UBR4: variants seen among roughly 807,000 people sequenced by gnomAD.
The protein encoded by UBR4 is E3 ubiquitin-protein ligase UBR4.
UBR4 carries 124 observed loss-of-function variants against 575.6 expected under a neutral mutation model. The ratio of observed to expected loss-of-function variants is 0.22; its 90% CI spans 0.19 to 0.25. UBR4 has a LOEUF of 0.25. Among genes scored for constraint, UBR4 ranks in the 10% least tolerant of loss-of-function variants. The pLI, the probability that UBR4 is intolerant of heterozygous loss-of-function variation, is 1.00. For missense variants in UBR4, 4,818 were observed against 6,478.8 expected, an observed-to-expected ratio of 0.74 and a Z score of 8.80; for synonymous variants, 2,455 against 2,473.7, an observed-to-expected ratio of 0.99 and a Z score of 0.22.
chr1:19,164,750 G>GT (rs1405510879), intron 32 of UBR4, 49 bp downstream of exon 32: 8 of 1,596,784 alleles, frequency 5.0e-6, no homozygotes, highest in African/African-American at 1.3e-5. Context: ...AAATATCAAC[G>GT]TGTTTCTGGG....
intron 55 of UBR4, among the ~76,000 whole-genome samples, chr1:19,143,259 GAAGAAAGAAAGAAAGA>G (rs200550539): frequency 0.015 from 1,406 of 91,468 alleles, 17 homozygotes; most frequent in East Asian, 0.06. Context: ...AGGAAGGAAG[GAAGAAAGAAAGAAAGA>G]AAGAAAGAAA....
Position 19,142,846 on chromosome 1 carries a change from G to A in UBR4, c.8180-1069C>T, listed in dbSNP as rs760994720. ...ATTAGAAAATTTAAAAGTACAGGCC[G>A]AGCAGTGGCTCGCGCCTATAATCCT... On this transcript the variant is annotated intron_variant, in intron 55 of 105. Coordinates refer to ENST00000375254, the MANE Select transcript of UBR4 (RefSeq NM_020765.3). Among the ~76,000 whole-genome samples, 13 of 152,226 alleles carry A rather than the reference G, an allele frequency of 8.5e-5. No individual in the cohort carries two copies. The East Asian group carries it at 2.1e-3, about 25-fold the overall frequency.
In UBR4 at chr1:19,101,571, G is replaced by A; in HGVS notation, c.12972C>T (p.Asp4324=). 1 of 1,614,038 alleles carries A rather than the reference G, an allele frequency of 6.2e-7. No homozygotes were observed. Among genetic ancestry groups the A allele is most frequent in the East Asian group, 2.2e-5 (1 of 44,890 alleles). Residue 4324 remains aspartate, a synonymous_variant, in exon 88 of 106, where the codon GAC becomes GAT. Coordinates refer to ENST00000375254, the MANE Select transcript of UBR4 (RefSeq NM_020765.3). ...IETAKRYNLD[D]YRTPVFIFER... ...CGAAGATGAACACCGGGGTCCGGTA[G>A]TCATCCAGATTGTAGCGCTTGGCTG...
chr1:19,178,369 T>C (rs1018236278), intron 18 of UBR4, among the ~76,000 whole-genome samples: 1 of 152,196 alleles, frequency 6.6e-6, no homozygotes, highest in Non-Finnish European at 1.5e-5. Context: ...TGTTTTAATA[T>C]TAGGAAAGAG....
chr1:19,174,326 G>C lies in UBR4; in HGVS notation c.2975C>G (p.Thr992Arg), dbSNP rs759579863. ...AGGGTTCCATGGTCTTACCAAGGCTGTTACATTCTTGTTTTCCTTTCTCCT... is the reference window on the plus strand; with the variant it reads ...AGGGTTCCATGGTCTTACCAAGGCTCTTACATTCTTGTTTTCCTTTCTCCT... ...TVRRKENKNV[T>R]ALEACALQYY... Residue 992 changes from threonine (T) to arginine (R), a missense_variant, in exon 22 of 106, where the codon ACA (threonine) becomes AGA (arginine). By Grantham distance (71) the Thr-to-Arg change is moderately conservative. Coordinates refer to ENST00000375254, the MANE Select transcript of UBR4 (RefSeq NM_020765.3). 3 of 1,612,822 alleles carry C rather than the reference G, an allele frequency of 1.9e-6. No homozygotes were observed. In the Admixed American group the frequency reaches 5.0e-5, roughly 27 times the overall value.
chr1:19,195,100 A>G (rs1482316322), intron 8 of UBR4, among the ~76,000 whole-genome samples: 1 of 150,952 alleles, frequency 6.6e-6, no homozygotes, highest in Non-Finnish European at 1.5e-5. Flanking sequence ...CTCTACTAAA[A>G]ATACAAAAAA....
At chr1:19,146,262 C>A in intron 52 of UBR4, 1 of 481,908 alleles carries the variant, frequency 2.1e-6, no homozygotes, top group South Asian at 2.2e-5. Context: ...CTCTCTAGAA[C>A]AATTCTGGGA....
chr1:19,188,878 A>G (rs2091809958), intron 11 of UBR4, among the ~76,000 whole-genome samples: 1 of 152,178 alleles, frequency 6.6e-6, no homozygotes, highest in Non-Finnish European at 1.5e-5. Context: ...CTGAGGTGGG[A>G]GGATCACCAG....
intron 31 of UBR4, 76 bp from the exon 32 acceptor site, chr1:19,165,073 A>T: frequency 1.3e-6 from 2 of 1,575,770 alleles, no homozygotes. Context: ...CTGTTGAGCC[A>T]GGAAAAGGGG....
Position 19,128,334 on chromosome 1 carries a change from A to C in UBR4, c.9004-16T>G, listed in dbSNP as rs768518592. On this transcript the variant is annotated splice_polypyrimidine_tract_variant and intron_variant, in intron 61 of 105. Transcript: ENST00000375254. ...TTAGAATGACCTAGAAGTCAAAGACAGAAAACACAAAACCCAATTTCCTAA... is the reference window on the plus strand; with the variant it reads ...TTAGAATGACCTAGAAGTCAAAGACCGAAAACACAAAACCCAATTTCCTAA... The C allele has an allele frequency of 2.5e-6, 4 of 1,609,496 alleles. No individual in the cohort carries two copies. In the Admixed American group the frequency reaches 6.7e-5, roughly 27 times the overall value.
chr1:19,128,655 C>T (rs1008918063), intron 61 of UBR4, among the ~76,000 whole-genome samples: 1 of 152,198 alleles, frequency 6.6e-6, no homozygotes, highest in Non-Finnish European at 1.5e-5. Context: ...CTGAGGAAGA[C>T]AGCTAGTGAG....
intron 64 of UBR4, 106 bp from the exon 65 acceptor site, chr1:19,124,796 AG>A: frequency 6.9e-7 from 1 of 1,446,826 alleles, no homozygotes; most frequent in Middle Eastern, 2.4e-4. Context: ...GAGGTGGTAA[AG>A]GGTGCCTTTC....
rs148053553 is a variant in UBR4, at chr1:19,101,222, T to C, written c.13023+298A>G. Among the ~76,000 whole-genome samples the C allele has an allele frequency of 2.6e-5, 4 of 152,332 alleles. No homozygotes were observed. In the East Asian group the frequency reaches 7.7e-4, roughly 29 times the overall value. Reference sequence around the variant, plus strand: ...TCAATACCGCTTCTTCCACAGTATGTTGGATTGATATGCAATGGGATTTTG... The same window carrying C: ...TCAATACCGCTTCTTCCACAGTATGCTGGATTGATATGCAATGGGATTTTG... On this transcript the variant is annotated intron_variant, in intron 88 of 105. Coordinates refer to ENST00000375254, the MANE Select transcript of UBR4 (RefSeq NM_020765.3).
At position 19,110,266 on chromosome 1, in the gene UBR4, A is replaced by C; in HGVS notation, c.11978-43T>G. On this transcript the variant is annotated intron_variant, in intron 80 of 105. Transcript: ENST00000375254. This position sits in a 1 kb window ranked among gnomAD's most constrained non-coding sequence, Gnocchi z 4.5. The stretch of plus-strand genomic sequence containing the variant: ...AGGCAGAGTCACAATCAGGAACACT[A>C]CACATCTGCTCTGCAGAGGCCGCCC... The C allele has an allele frequency of 6.2e-7, 1 of 1,614,084 alleles. No individual in the cohort carries two copies. Among genetic ancestry groups the C allele is most frequent in the Non-Finnish European group, 8.5e-7 (1 of 1,179,952 alleles).
chr1:19,093,278 A>C lies in UBR4; in HGVS notation c.14111+35T>G. The stretch of plus-strand genomic sequence containing the variant: ...GAAGGAAAAGGAAAGGGCAAAGCGA[A>C]GGCAAAGCAGCCCCGCTGCGGGAGG... On this transcript the variant is annotated intron_variant, in intron 96 of 105. Transcript: ENST00000375254. This position sits in a 1 kb window ranked among gnomAD's most constrained non-coding sequence, Gnocchi z 4.8. 1 of 1,604,528 alleles carries C rather than the reference A, an allele frequency of 6.2e-7. No individual in the cohort carries two copies. The highest frequency in any genetic ancestry group is 8.5e-7 in the Non-Finnish European group (1 of 1,174,956).
chr1:19,102,362 G>GA (rs377546297), intron 87 of UBR4, among the ~76,000 whole-genome samples: 49 of 143,336 alleles, frequency 3.4e-4, no homozygotes, highest in South Asian at 6.6e-4. Context: ...GAAACTTCGG[G>GA]AAAAAAAAAA....
intron 103 of UBR4, chr1:19,078,320 G>A (rs1272849129): frequency 2.2e-5 from 9 of 401,820 alleles, no homozygotes; most frequent in Non-Finnish European, 3.7e-5. Flanking sequence ...TCCAGATCAG[G>A]GTAAAATGGA....
At position 19,168,134 on chromosome 1, in the gene UBR4, T is replaced by C. The variant is rs777053129; in HGVS notation, c.3792A>G (p.Ala1264=). ...DTIPSESYIS[A]VQAAHLGTLC... ...GAGTCCCCAGGTGTGCAGCCTGCAC[T>C]GCACTAATATAACTCTCTGAAGGGA... Residue 1264 remains alanine, a synonymous_variant, in exon 28 of 106, where the codon GCA becomes GCG. Coordinates refer to ENST00000375254, the MANE Select transcript of UBR4 (RefSeq NM_020765.3). The C allele has an allele frequency of 2.5e-5, 41 of 1,610,112 alleles. No individual in the cohort carries two copies. The highest frequency in any genetic ancestry group is 3.3e-5 in the Non-Finnish European group (39 of 1,177,200).
At chr1:19,120,902 T>C (rs981424895) in intron 68 of UBR4, among the ~76,000 whole-genome samples, 2 of 152,234 alleles carry the variant, frequency 1.3e-5, no homozygotes, top group African/African-American at 2.4e-5. Flanking sequence ...GGGAGCTCCA[T>C]AGAGAAGGTG....
Sources: allele counts gnomAD v4.1 joint callset (sites outside exome capture counted in the v4.1 genomes callset), GRCh38; gene constraint gnomAD v4.1.1; non-coding constraint Gnocchi (gnomAD v3.1); transcripts MANE v1.5; gene names NCBI Gene and HGNC (gene_info 2026-07-23, HGNC 2026-07-21).